Variants in CDH13 observed in about 807,000 individuals in gnomAD.
CDH13 encodes cadherin-13.
Under a neutral mutation model 63.8 loss-of-function variants are expected in CDH13, and 24 were observed. The ratio of observed to expected loss-of-function variants is 0.38; its 90% CI spans 0.27 to 0.53. The LOEUF (loss-of-function observed/expected upper bound fraction) is 0.53. Among genes scored for constraint, CDH13 ranks in the 20% least tolerant of loss-of-function variants. The pLI is 0.85. For synonymous variants in CDH13, 503 were observed against 355.3 expected (o/e 1.42, Z -4.67); for missense variants, 1,049 against 903.1 (o/e 1.16, Z -2.07).
intron 6 of CDH13, among the ~76,000 whole-genome samples, chr16:83,403,491 C>T (rs980171893): frequency 4.6e-5 from 7 of 152,158 alleles, no homozygotes; most frequent in South Asian, 4.2e-4. Context: ...GGTGTGGTCG[C>T]GCGCGCCTGT....
chr16:83,223,670 C>T (rs1000913468), intron 5 of CDH13, among the ~76,000 whole-genome samples: 4 of 152,206 alleles, frequency 2.6e-5, no homozygotes, highest in Non-Finnish European at 1.5e-5. Flanking sequence ...TCCAGTCTCA[C>T]GCTGGTGCAT....
At chr16:82,982,477 T>C (rs1268389838) in intron 2 of CDH13, among the ~76,000 whole-genome samples, 1 of 152,176 alleles carries the variant, frequency 6.6e-6, no homozygotes, top group Non-Finnish European at 1.5e-5. Flanking sequence ...GAGAATCTGC[T>C]TTTTTGCCTT....
At chr16:83,112,350 C>G (rs554193747) in intron 3 of CDH13, among the ~76,000 whole-genome samples, 2 of 152,076 alleles carry the variant, frequency 1.3e-5, no homozygotes, top group Non-Finnish European at 1.5e-5. Flanking sequence ...AGCAAGCAAA[C>G]AGGCTTTGAG....
chr16:83,136,975 TG>T (rs1374473766), intron 4 of CDH13, among the ~76,000 whole-genome samples: 1 of 152,214 alleles, frequency 6.6e-6, no homozygotes, highest in East Asian at 1.9e-4. Flanking sequence ...AATCTCTGAA[TG>T]TTTAACAATG....
At chr16:83,609,310 T>C (rs1244329278) in intron 8 of CDH13, among the ~76,000 whole-genome samples, 2 of 152,224 alleles carry the variant, frequency 1.3e-5, no homozygotes, top group Non-Finnish European at 2.9e-5. Context: ...CTTCTTCCAG[T>C]ATGGCCCAGG....
At chr16:83,778,479 G>A (rs1369344909) in intron 11 of CDH13, among the ~76,000 whole-genome samples, 3 of 150,970 alleles carry the variant, frequency 2.0e-5, no homozygotes, top group South Asian at 2.1e-4. Flanking sequence ...GCAGTAAGCC[G>A]AGACCACACC....
At chr16:83,717,387 AGTCTGAACTGAATCT>A (rs1167679696) in intron 10 of CDH13, among the ~76,000 whole-genome samples, 2 of 152,186 alleles carry the variant, frequency 1.3e-5, no homozygotes, top group African/African-American at 4.8e-5. Context: ...CATTGGGTTC[AGTCTGAACTGAATCT>A]GTCTGAACTG....
At chr16:83,394,390 C>T (rs2091845533) in intron 6 of CDH13, among the ~76,000 whole-genome samples, 1 of 152,190 alleles carries the variant, frequency 6.6e-6, no homozygotes, top group South Asian at 2.1e-4. Flanking sequence ...GAGTGAGCCA[C>T]GTGGATAACT....
intron 7 of CDH13, among the ~76,000 whole-genome samples, chr16:83,564,308 G>C (rs2075755307): frequency 6.6e-6 from 1 of 151,972 alleles, no homozygotes; most frequent in Non-Finnish European, 1.5e-5. Context: ...GGGTAAGTGA[G>C]GTGACAATAA....
chr16:83,781,321 A>C (rs568627999), intron 12 of CDH13, among the ~76,000 whole-genome samples: 1 of 152,228 alleles, frequency 6.6e-6, no homozygotes, highest in African/African-American at 2.4e-5. Flanking sequence ...ATAAAGTAAA[A>C]GAAAAAAGAA....
intron 2 of CDH13, among the ~76,000 whole-genome samples, chr16:82,881,907 G>C (rs1043826312): frequency 3.6e-4 from 55 of 152,200 alleles, no homozygotes; most frequent in African/African-American, 1.2e-3. Flanking sequence ...CCCACCACCA[G>C]CTTCTGTGGC....
intron 2 of CDH13, among the ~76,000 whole-genome samples, chr16:82,923,290 G>C (rs1169660575): frequency 6.6e-6 from 1 of 152,204 alleles, no homozygotes; most frequent in African/African-American, 2.4e-5. Context: ...ATGAACATTT[G>C]TTCCATGAGT....
At chr16:83,126,439 G>T (rs898258163) in intron 4 of CDH13, among the ~76,000 whole-genome samples, 1 of 152,178 alleles carries the variant, frequency 6.6e-6, no homozygotes, top group African/African-American at 2.4e-5. Context: ...GCATGTTTGG[G>T]CATGTCAGGG....
At chr16:83,463,161 G>A (rs372034219) in intron 6 of CDH13, among the ~76,000 whole-genome samples, 5 of 152,244 alleles carry the variant, frequency 3.3e-5, no homozygotes, top group African/African-American at 1.2e-4. Context: ...GAACAACCTG[G>A]GGCAGGGGCA....
Position 83,301,784 on chromosome 16 carries a change from T to C in CDH13, c.637-43078T>C, listed in dbSNP as rs182491721. 2.2e-3 allele frequency among the ~76,000 whole-genome samples: 337 copies of C among 152,252 alleles called. 2 individuals are homozygous for C. Among genetic ancestry groups the C allele is most frequent in the African/African-American group, 7.5e-3 (312 of 41,536 alleles). On this transcript the variant is annotated intron_variant, in intron 5 of 13. Transcript: ENST00000567109. ...AATTTACATCATTTCCTGTAATTTT[T>C]TTTTCTGTAAAGTTTTGGCAGACAC... is the stretch of plus-strand genomic sequence containing the variant.
intron 2 of CDH13, among the ~76,000 whole-genome samples, chr16:82,921,236 G>C (rs780809848): frequency 2.6e-5 from 4 of 152,136 alleles, no homozygotes; most frequent in Non-Finnish European, 5.9e-5. Flanking sequence ...ATCGGCATCA[G>C]TGGGTGGAAT....
chr16:83,305,866 C>A (rs1338705318), intron 5 of CDH13, among the ~76,000 whole-genome samples: 1 of 152,192 alleles, frequency 6.6e-6, no homozygotes, highest in Non-Finnish European at 1.5e-5. Flanking sequence ...TTATTGACCT[C>A]CTGGACTCTG....
At chr16:83,107,728 A>C (rs1002865797) in intron 3 of CDH13, among the ~76,000 whole-genome samples, 1 of 144,842 alleles carries the variant, frequency 6.9e-6, no homozygotes, top group East Asian at 2.0e-4. Context: ...GTGGAATTTT[A>C]GGTGGGTTTT....
chr16:83,714,783 G>T (rs1908636749), intron 10 of CDH13, among the ~76,000 whole-genome samples: 1 of 152,102 alleles, frequency 6.6e-6, no homozygotes, highest in African/African-American at 2.4e-5. Context: ...AATGGGAAAT[G>T]CCTTCTTAAT....
Sources: gnomAD v4.1 joint callset for allele counts (sites outside exome capture counted in the v4.1 genomes callset) on GRCh38, gnomAD v4.1.1 for gene constraint, MANE v1.5 for transcripts, NCBI Gene and HGNC (gene_info 2026-07-23, HGNC 2026-07-21) for gene names.